The following FAM171A1 variants were observed in gnomAD, a reference collection of about 807,000 sequenced individuals.
FAM171A1 encodes the protein family with sequence similarity 171 member A1, also known as protein FAM171A1.
Under a neutral mutation model 74.9 loss-of-function variants are expected in FAM171A1, and 23 were observed. The ratio of observed to expected loss-of-function variants is 0.31; its 90% CI spans 0.22 to 0.44. FAM171A1 has a LOEUF of 0.44. FAM171A1 is among the 20% of genes least tolerant of loss of function. The pLI is 1.00. For synonymous variants in FAM171A1, 527 were observed against 505.7 expected (o/e 1.04, Z -0.57); for missense variants, 1,162 against 1,159.2 (o/e 1.00, Z -0.03).
intron 1 of FAM171A1, among the ~76,000 whole-genome samples, chr10:15,305,362 ACT>A (rs1588544036): frequency 6.6e-6 from 1 of 151,952 alleles, no homozygotes; most frequent in East Asian, 1.9e-4. Context: ...CACCTTCCCG[ACT>A]CTATAATGTC....
At chr10:15,344,589 A>G (rs4750626) in intron 1 of FAM171A1, among the ~76,000 whole-genome samples, 82,738 of 152,000 alleles carry the variant, frequency 0.54, 22,723 homozygotes, top group East Asian at 0.8. Flanking sequence ...TTCAGATGAC[A>G]AACAAATAAT....
In FAM171A1 at chr10:15,214,465, C is replaced by T. The variant is rs541362246; in HGVS notation, c.1123G>A (p.Gly375Ser). Residue 375 changes from glycine to serine, a missense_variant, in exon 8 of 8, where the codon GGC (glycine) becomes AGC (serine). Transcript: ENST00000378116. ...LFSRRASEFPGPLSVTSHGRP... is the reference protein window; with the variant it reads ...LFSRRASEFPSPLSVTSHGRP... The stretch of plus-strand genomic sequence containing the variant: ...CCGTGGCTGGTGACGGACAGCGGGC[C>T]AGGGAATTCTGACGCTCGGCGTGAA... 1.2e-6 allele frequency: 2 copies of T among 1,614,148 alleles called. No individual in the cohort carries two copies. The highest frequency in any genetic ancestry group is 8.5e-7 in the Non-Finnish European group (1 of 1,180,014).
chr10:15,303,994 G>A (rs1000543929), intron 1 of FAM171A1, among the ~76,000 whole-genome samples: 2 of 152,222 alleles, frequency 1.3e-5, no homozygotes, highest in Non-Finnish European at 2.9e-5. Context: ...GCAGGGACAG[G>A]ACGATTTCCC....
intron 3 of FAM171A1, among the ~76,000 whole-genome samples, chr10:15,268,341 G>T (rs1390696975): frequency 6.6e-6 from 1 of 152,136 alleles, no homozygotes; most frequent in African/African-American, 2.4e-5. Context: ...CAGTGCCTGA[G>T]GGGACATGGT....
chr10:15,342,733 A>G (rs1162116590), intron 1 of FAM171A1, among the ~76,000 whole-genome samples: 1 of 152,210 alleles, frequency 6.6e-6, no homozygotes, highest in East Asian at 1.9e-4. Context: ...ACAAAAGACT[A>G]GTGACAAAGA....
intron 1 of FAM171A1, among the ~76,000 whole-genome samples, chr10:15,308,885 C>T (rs896758345): frequency 2.2e-4 from 34 of 151,592 alleles, no homozygotes; most frequent in African/African-American, 7.8e-4. Context: ...AGGCTGGTCT[C>T]GAACTCCTGA....
intron 3 of FAM171A1, among the ~76,000 whole-genome samples, chr10:15,268,532 A>G (rs1352146771): frequency 6.6e-6 from 1 of 152,042 alleles, no homozygotes; most frequent in African/African-American, 2.4e-5. Flanking sequence ...ATCAAGCTCT[A>G]TGTGTCCATA....
At chr10:15,308,669 A>G (rs1588545929) in intron 1 of FAM171A1, among the ~76,000 whole-genome samples, 1 of 151,904 alleles carries the variant, frequency 6.6e-6, no homozygotes, top group East Asian at 1.9e-4. Context: ...ACAAACAAAC[A>G]AACAAACCCC....
intron 1 of FAM171A1, among the ~76,000 whole-genome samples, chr10:15,363,981 G>A (rs1216449322): frequency 7.2e-6 from 1 of 138,560 alleles, no homozygotes; most frequent in East Asian, 2.4e-4. Flanking sequence ...GAGAGGCAGA[G>A]AAATCTCAGA....
At chr10:15,239,457 C>T (rs764795852) in intron 5 of FAM171A1, among the ~76,000 whole-genome samples, 1 of 151,984 alleles carries the variant, frequency 6.6e-6, no homozygotes, top group African/African-American at 2.4e-5. Context: ...CCACCACACC[C>T]GGCTCCAGCT....
At chr10:15,325,564 G>A (rs1835545188) in intron 1 of FAM171A1, among the ~76,000 whole-genome samples, 1 of 152,070 alleles carries the variant, frequency 6.6e-6, no homozygotes, top group Non-Finnish European at 1.5e-5. Context: ...AGGCCTTTCT[G>A]TGGACCCCAG....
Position 15,212,737 on chromosome 10 carries a change from C to T in FAM171A1, c.*178G>A, listed in dbSNP as rs1204185318. The T allele has an allele frequency of 3.3e-6, 3 of 897,042 alleles. No individual in the cohort carries two copies. The highest frequency in any genetic ancestry group is 3.3e-6 in the Non-Finnish European group (2 of 604,090). 55.6% of individuals were successfully genotyped at this position (897,042 alleles called of 1,614,324 possible). ...ACATCCGCCAAAGTCATCCTTTATT[C>T]CGAGTAATAACTTTAATTCCTTTCT... On this transcript the variant is annotated 3_prime_UTR_variant, in exon 8 of 8. Coordinates refer to ENST00000378116, the MANE Select transcript of FAM171A1 (RefSeq NM_001010924.2).
chr10:15,304,149 G>T (rs1232218450), intron 1 of FAM171A1, among the ~76,000 whole-genome samples: 2 of 152,216 alleles, frequency 1.3e-5, no homozygotes, highest in African/African-American at 4.8e-5. Flanking sequence ...CCTTCATTCT[G>T]CAGATGAGGA....
chr10:15,359,978 C>T (rs764462271), intron 1 of FAM171A1, among the ~76,000 whole-genome samples: 3 of 152,136 alleles, frequency 2.0e-5, no homozygotes, highest in South Asian at 2.1e-4. Flanking sequence ...TCTGTTGCTC[C>T]GGTTGGAGTG....
intron 5 of FAM171A1, among the ~76,000 whole-genome samples, chr10:15,245,052 T>C (rs1834414402): frequency 6.7e-6 from 1 of 149,530 alleles, no homozygotes; most frequent in African/African-American, 2.5e-5. Context: ...TTGACTTTGC[T>C]TTTTTTTTTC....
At chr10:15,282,457 G>A (rs1436987275) in intron 2 of FAM171A1, among the ~76,000 whole-genome samples, 1 of 152,206 alleles carries the variant, frequency 6.6e-6, no homozygotes. Context: ...CTATTGATCG[G>A]TTCATGAAAA....
At chr10:15,349,329 CTG>C (rs1214296638) in intron 1 of FAM171A1, among the ~76,000 whole-genome samples, 2 of 152,336 alleles carry the variant, frequency 1.3e-5, no homozygotes, top group African/African-American at 4.8e-5. Flanking sequence ...ATGCAATAAA[CTG>C]TGAACTCAGG....
In FAM171A1 at chr10:15,254,607, C is replaced by G; in HGVS notation, c.577+114G>C. 45 of 1,165,112 alleles carry G rather than the reference C, an allele frequency of 3.9e-5. 2 individuals are homozygous for G. The South Asian group carries it at 7.1e-4, about 18-fold the overall frequency. The allele number at this position is 1,165,112 out of a possible 1,614,324, so 72.2% of individuals were successfully genotyped here. ...ACTTGTACCAAGAATTCCCCTTCTG[C>G]ACCTTCAGTGCCTTTCTCCCACATA... On this transcript the variant is annotated intron_variant, in intron 4 of 7. Coordinates refer to ENST00000378116, the MANE Select transcript of FAM171A1 (RefSeq NM_001010924.2).
chr10:15,273,836 C>T (rs1478766213), intron 3 of FAM171A1, among the ~76,000 whole-genome samples: 1 of 152,142 alleles, frequency 6.6e-6, no homozygotes, highest in Admixed American at 6.6e-5. Flanking sequence ...ATTCAACAGC[C>T]CTTCATGCTA....
Sources: gnomAD v4.1 joint callset for allele counts (sites outside exome capture counted in the v4.1 genomes callset) on GRCh38, gnomAD v4.1.1 for gene constraint, MANE v1.5 for transcripts, NCBI Gene and HGNC (gene_info 2026-07-23, HGNC 2026-07-21) for gene names.